The following ROBO1 variants were observed in gnomAD, a reference collection of about 807,000 sequenced individuals.
The protein encoded by ROBO1 is roundabout guidance receptor 1.
In ROBO1, 149 loss-of-function variants were observed where a neutral mutation model predicts 195.9. That is an observed-to-expected ratio of 0.76 (90% CI 0.67 to 0.87). The LOEUF is 0.87. Among genes scored for constraint, ROBO1 ranks in the 40% least tolerant of loss-of-function variants. The pLI, the probability that ROBO1 is intolerant of heterozygous loss-of-function variation, is 0.00. For missense variants in ROBO1, 1,933 were observed against 2,068.3 expected, an observed-to-expected ratio of 0.93 and a Z score of 1.27; for synonymous variants, 816 against 733.2, an observed-to-expected ratio of 1.11 and a Z score of -1.82.
At chr3:79,339,801 T>A (rs1234521455) in intron 2 of ROBO1, among the ~76,000 whole-genome samples, 1 of 152,188 alleles carries the variant, frequency 6.6e-6, no homozygotes, top group African/African-American at 2.4e-5. Flanking sequence ...CCAAAACACA[T>A]TTGTTATTAG....
intron 1 of ROBO1, among the ~76,000 whole-genome samples, chr3:79,751,929 T>C (rs1380003815): frequency 2.6e-5 from 4 of 152,214 alleles, no homozygotes; most frequent in African/African-American, 4.8e-5. Context: ...CTCAATAATA[T>C]AGGAAACCAG....
intron 1 of ROBO1, among the ~76,000 whole-genome samples, chr3:79,712,967 T>C (rs895594631): frequency 2.0e-4 from 30 of 152,102 alleles, no homozygotes; most frequent in African/African-American, 7.2e-4. Flanking sequence ...AGGGTACATG[T>C]GCACAACATG....
intron 1 of ROBO1, among the ~76,000 whole-genome samples, chr3:79,760,235 T>A (rs1397383080): frequency 1.1e-3 from 6 of 5,444 alleles, no homozygotes; most frequent in Admixed American, 3.2e-3. Context: ...AGACCCTATC[T>A]CAAAAAAAAA....
At chr3:79,237,772 TA>T (rs910158248) in intron 2 of ROBO1, among the ~76,000 whole-genome samples, 1 of 151,358 alleles carries the variant, frequency 6.6e-6, no homozygotes, top group African/African-American at 2.4e-5. Context: ...GATATAAAAA[TA>T]AAAAAAAATT....
intron 4 of ROBO1, among the ~76,000 whole-genome samples, chr3:78,799,376 C>G (rs1051942193): frequency 6.6e-6 from 1 of 151,886 alleles, no homozygotes; most frequent in African/African-American, 2.4e-5. Flanking sequence ...GAGTCTCGCT[C>G]TGTCGCCCAG....
At chr3:79,303,667 G>A (rs2033085490) in intron 2 of ROBO1, among the ~76,000 whole-genome samples, 1 of 151,974 alleles carries the variant, frequency 6.6e-6, no homozygotes, top group African/African-American at 2.4e-5. Context: ...ATACTACTCA[G>A]CCATTAAAAA....
At chr3:78,691,780 C>T (rs2081181531) in intron 8 of ROBO1, among the ~76,000 whole-genome samples, 1 of 152,136 alleles carries the variant, frequency 6.6e-6, no homozygotes, top group African/African-American at 2.4e-5. Flanking sequence ...AAACTAACAA[C>T]AGATTCTCCT....
At chr3:79,014,901 GAGA>G (rs2077885176) in intron 3 of ROBO1, among the ~76,000 whole-genome samples, 1 of 152,166 alleles carries the variant, frequency 6.6e-6, no homozygotes, top group Non-Finnish European at 1.5e-5. Context: ...AGTCTTCACT[GAGA>G]AGCTGTTATC....
At chr3:79,195,532 G>A (rs1236055237) in intron 2 of ROBO1, among the ~76,000 whole-genome samples, 1 of 151,322 alleles carries the variant, frequency 6.6e-6, no homozygotes, top group Non-Finnish European at 1.5e-5. Flanking sequence ...AAAATTATCA[G>A]ATAAAAAAGA....
In ROBO1 at chr3:78,618,031, C is replaced by T; in HGVS notation, c.3886G>A (p.Val1296Met). The change falls in exon 27 of 31, where the codon GTG (valine) becomes ATG (methionine). Residue 1296 changes from valine to methionine, a missense_variant. Around this residue, in one of 3 missense-constraint regions of ROBO1, gnomAD observed 1,737 missense variants for 1,882.5 expected, o/e 0.92. Coordinates refer to ENST00000464233, the MANE Select transcript of ROBO1 (RefSeq NM_002941.4). ...GGCCGTGGTGGTGGAGGAGGACTCACAGGCTGCCGTCTGTATGAAGATGAA... is the reference window on the plus strand; with the variant it reads ...GGCCGTGGTGGTGGAGGAGGACTCATAGGCTGCCGTCTGTATGAAGATGAA... ...QHQPDRRRQP[V>M]SPPPPPRPIS... The T allele has an allele frequency of 1.2e-6, 2 of 1,611,716 alleles. No homozygotes were observed. The highest frequency in any genetic ancestry group is 1.7e-5 in the Admixed American group (1 of 59,782).
chr3:78,734,149 C>T (rs1046558091), intron 5 of ROBO1, among the ~76,000 whole-genome samples: 6 of 152,064 alleles, frequency 3.9e-5, no homozygotes, highest in African/African-American at 1.4e-4. Flanking sequence ...CAGCATGCAA[C>T]CATATCAGGT....
At chr3:79,363,203 T>C (rs2109309930) in intron 2 of ROBO1, among the ~76,000 whole-genome samples, 1 of 152,256 alleles carries the variant, frequency 6.6e-6, no homozygotes, top group South Asian at 2.1e-4. Context: ...TTGCTCCCAG[T>C]CTTAGCCATG....
chr3:79,736,706 C>T (rs1703404490), intron 1 of ROBO1, among the ~76,000 whole-genome samples: 1 of 152,162 alleles, frequency 6.6e-6, no homozygotes. Flanking sequence ...GTTCCATGAT[C>T]TACTTATGAT....
At chr3:78,627,663 A>T in intron 25 of ROBO1, 94 bp from the exon 26 acceptor site, 2 of 1,332,180 alleles carry the variant, frequency 1.5e-6, no homozygotes, top group East Asian at 2.4e-5. Flanking sequence ...ATTGTTTTTC[A>T]AATCTGAACG....
At chr3:79,125,579 T>A in intron 2 of ROBO1, 40 bp from the exon 3 acceptor site, 1 of 1,470,364 alleles carries the variant, frequency 6.8e-7, no homozygotes, top group Non-Finnish European at 9.5e-7. Flanking sequence ...GGGGTCACAG[T>A]AGTAACAGTA....
At chr3:79,125,387 G>A (rs2080196045) in intron 3 of ROBO1, 69 bp downstream of exon 3, 1 of 1,209,946 alleles carries the variant, frequency 8.3e-7, no homozygotes, top group Non-Finnish European at 1.2e-6. Flanking sequence ...TTTTATACAG[G>A]TGGTTGATGG....
intron 1 of ROBO1, among the ~76,000 whole-genome samples, chr3:79,593,455 T>C: frequency 6.6e-6 from 1 of 152,066 alleles, no homozygotes; most frequent in East Asian, 1.9e-4. Context: ...GCCATTCTAG[T>C]GGGCATGCAA....
intron 2 of ROBO1, among the ~76,000 whole-genome samples, chr3:79,226,887 C>G (rs1054132895): frequency 6.6e-6 from 1 of 152,050 alleles, no homozygotes; most frequent in African/African-American, 2.4e-5. Context: ...TAACATTTGT[C>G]CTCCTCCTTG....
At chr3:78,891,344 C>T (rs904186929) in intron 4 of ROBO1, among the ~76,000 whole-genome samples, 18 of 138,546 alleles carry the variant, frequency 1.3e-4, no homozygotes, top group South Asian at 2.3e-4. Context: ...ATGGCCAATA[C>T]GCACATTTAA....
Sources: gnomAD v4.1 joint callset for allele counts (sites outside exome capture counted in the v4.1 genomes callset) on GRCh38, gnomAD v4.1.1 for gene constraint, gnomAD v4.1.1 regional missense constraint, MANE v1.5 for transcripts, NCBI Gene and HGNC (gene_info 2026-07-23, HGNC 2026-07-21) for gene names.